The following LRMDA variants were observed in gnomAD, a reference collection of about 807,000 sequenced individuals.
LRMDA encodes the protein leucine rich melanocyte differentiation associated.
A neutral mutation model predicts 29.8 loss-of-function variants in LRMDA; 18 were observed. That is an observed-to-expected ratio of 0.60 (90% CI 0.42 to 0.90). The LOEUF (loss-of-function observed/expected upper bound fraction) is 0.90, where lower values mean the gene tolerates loss of function less well. LRMDA is among the 40% of genes least tolerant of loss of function. The pLI is 0.00. For synonymous variants in LRMDA, 125 were observed against 109.4 expected, an observed-to-expected ratio of 1.14 and a Z score of -0.89; for missense variants, 273 against 273.9, an observed-to-expected ratio of 1.00 and a Z score of 0.02.
intron 2 of LRMDA, among the ~76,000 whole-genome samples, chr10:75,906,011 T>C (rs1267802351): frequency 6.6e-6 from 1 of 151,468 alleles, no homozygotes; most frequent in Non-Finnish European, 1.5e-5. Context: ...AAAGGTAGCA[T>C]GGTGAGGTCA....
At chr10:75,921,504 T>C (rs942884037) in intron 2 of LRMDA, among the ~76,000 whole-genome samples, 1 of 152,170 alleles carries the variant, frequency 6.6e-6, no homozygotes. Context: ...GGTCAAAGGA[T>C]GAGGGGCTGA....
At chr10:76,261,806 CAT>C (rs1839947613) in intron 5 of LRMDA, among the ~76,000 whole-genome samples, 1 of 152,162 alleles carries the variant, frequency 6.6e-6, no homozygotes, top group Non-Finnish European at 1.5e-5. Flanking sequence ...ATGAACCCGT[CAT>C]ATAAACTCAT....
intron 6 of LRMDA, among the ~76,000 whole-genome samples, chr10:76,432,650 A>G (rs533965569): frequency 6.6e-6 from 1 of 152,316 alleles, no homozygotes; most frequent in East Asian, 1.9e-4. Flanking sequence ...TTATTGTCTA[A>G]TGTAACAACA....
At chr10:75,490,143 G>A (rs954549988) in intron 2 of LRMDA, among the ~76,000 whole-genome samples, 5 of 152,174 alleles carry the variant, frequency 3.3e-5, no homozygotes, top group African/African-American at 1.2e-4. Context: ...GAGGCTCCGA[G>A]ATGTTATGTA....
chr10:75,794,765 T>C (rs184093681), intron 2 of LRMDA, among the ~76,000 whole-genome samples: 19 of 152,372 alleles, frequency 1.2e-4, no homozygotes, highest in African/African-American at 4.6e-4. Flanking sequence ...TCAAGTATTT[T>C]GACCATTTAA....
At chr10:76,398,667 A>G (rs1841815882) in intron 6 of LRMDA, among the ~76,000 whole-genome samples, 1 of 152,224 alleles carries the variant, frequency 6.6e-6, no homozygotes, top group African/African-American at 2.4e-5. Context: ...CATTCAATCA[A>G]CATTGATTAT....
chr10:75,624,402 T>C (rs1841225644), intron 2 of LRMDA, among the ~76,000 whole-genome samples: 2 of 152,156 alleles, frequency 1.3e-5, no homozygotes. Context: ...AGTTTTAGAG[T>C]AAAATGCTGT....
chr10:75,736,416 AATT>A (rs1346131180), intron 2 of LRMDA, among the ~76,000 whole-genome samples: 18 of 152,248 alleles, frequency 1.2e-4, no homozygotes, highest in African/African-American at 3.9e-4. Flanking sequence ...AGGAGTGAAA[AATT>A]ATTAAACACA....
chr10:76,197,911 C>A (rs1461775820), intron 5 of LRMDA, among the ~76,000 whole-genome samples: 1 of 151,072 alleles, frequency 6.6e-6, no homozygotes, highest in Non-Finnish European at 1.5e-5. Flanking sequence ...CAGAGAGATA[C>A]TCCATTTCAA....
chr10:75,967,768 C>T (rs1478936428), intron 2 of LRMDA, among the ~76,000 whole-genome samples: 3 of 146,300 alleles, frequency 2.1e-5, no homozygotes, highest in South Asian at 4.7e-4. Context: ...AGGGAGGCGG[C>T]GGGCAGGGGT....
Position 76,517,083 on chromosome 10 carries a change from GT to G in LRMDA, c.602-40125del, listed in dbSNP as rs1296324022. On this transcript the variant is annotated intron_variant, in intron 6 of 6. Coordinates refer to ENST00000611255, the MANE Select transcript of LRMDA (RefSeq NM_001305581.2). ...ACACTGAAATAACCAGAAATGGAAA[GT>G]CTAAGAGGTTAGATGATATAGAGGC... is the stretch of plus-strand genomic sequence containing the variant. Among the ~76,000 whole-genome samples the G allele has an allele frequency of 3.9e-5, 6 of 152,136 alleles. No homozygotes were observed. In the East Asian group the frequency reaches 1.2e-3, roughly 29 times the overall value.
intron 6 of LRMDA, among the ~76,000 whole-genome samples, chr10:76,339,408 A>C (rs905186457): frequency 6.6e-6 from 1 of 152,040 alleles, no homozygotes; most frequent in Admixed American, 6.5e-5. Context: ...ACACTGTAGT[A>C]TATTAAAAAC....
intron 6 of LRMDA, among the ~76,000 whole-genome samples, chr10:76,503,533 C>T (rs762986138): frequency 6.6e-6 from 1 of 151,032 alleles, no homozygotes; most frequent in Non-Finnish European, 1.5e-5. Flanking sequence ...CAGGTTTTCA[C>T]TTTCTTCCTG....
chr10:75,676,236 C>T (rs1841958645), intron 2 of LRMDA, among the ~76,000 whole-genome samples: 1 of 152,200 alleles, frequency 6.6e-6, no homozygotes, highest in Non-Finnish European at 1.5e-5. Context: ...GTTTTCTTCT[C>T]TGATTCCAGA....
intron 6 of LRMDA, among the ~76,000 whole-genome samples, chr10:76,462,661 G>T (rs189335553): frequency 4.9e-4 from 74 of 152,238 alleles, no homozygotes; most frequent in African/African-American, 1.7e-3. Flanking sequence ...GTGTGGTCTG[G>T]CCTTCAAGGG....
At chr10:76,479,823 C>T (rs1242371416) in intron 6 of LRMDA, among the ~76,000 whole-genome samples, 2 of 151,738 alleles carry the variant, frequency 1.3e-5, no homozygotes, top group Admixed American at 6.6e-5. Context: ...CCTATATGAG[C>T]CTTATATGCT....
At chr10:76,021,331 C>T (rs1201041643) in intron 2 of LRMDA, among the ~76,000 whole-genome samples, 2 of 152,164 alleles carry the variant, frequency 1.3e-5, no homozygotes, top group Non-Finnish European at 2.9e-5. Flanking sequence ...TGACCAGACA[C>T]ACTACTCAAT....
At chr10:75,733,797 A>G (rs1031840960) in intron 2 of LRMDA, among the ~76,000 whole-genome samples, 1 of 152,110 alleles carries the variant, frequency 6.6e-6, no homozygotes, top group Non-Finnish European at 1.5e-5. Flanking sequence ...GTAGGGTTGG[A>G]GTGGGTTGGG....
chr10:76,201,119 G>T (rs531317869), intron 5 of LRMDA, among the ~76,000 whole-genome samples: 168 of 144,092 alleles, frequency 1.2e-3, no homozygotes, highest in African/African-American at 4.1e-3. Flanking sequence ...ATATTTAGAC[G>T]GAGTTTCGCT....
Sources: gnomAD v4.1 joint callset for allele counts (sites outside exome capture counted in the v4.1 genomes callset) on GRCh38, gnomAD v4.1.1 for gene constraint, MANE v1.5 for transcripts, NCBI Gene and HGNC (gene_info 2026-07-23, HGNC 2026-07-21) for gene names.